The following FKTN variants were observed in gnomAD, a reference collection of about 807,000 sequenced individuals.
FKTN encodes ribitol-5-phosphate transferase FKTN.
A neutral mutation model predicts 58.6 loss-of-function variants in FKTN; 47 were observed. The observed-to-expected ratio is 0.80, with a 90% CI of 0.63 to 1.02. The LOEUF (loss-of-function observed/expected upper bound fraction) is 1.02. Among genes scored for constraint, FKTN ranks in the 50% least tolerant of loss-of-function variants. FKTN has a pLI of 0.00. For missense variants in FKTN, 516 were observed against 537.3 expected, an observed-to-expected ratio of 0.96 and a Z score of 0.39; for synonymous variants, 178 against 191.9, an observed-to-expected ratio of 0.93 and a Z score of 0.60.
At position 105,607,336 on chromosome 9, in the gene FKTN, A is replaced by G. The variant is rs530047003; in HGVS notation, c.648-483A>G. Among the ~76,000 whole-genome samples, 9 of 152,202 alleles carry G rather than the reference A, an allele frequency of 5.9e-5. No homozygotes were observed. The South Asian group carries it at 1.9e-3, about 31-fold the overall frequency. On this transcript the variant is annotated intron_variant, in intron 6 of 10. Coordinates refer to ENST00000357998, the MANE Select transcript of FKTN (RefSeq NM_001079802.2). Reference sequence around the variant, plus strand: ...TCTCTAAAAGTAAACTGATAATTAAAAATTATGTCACAAAATTTTTGTTTC... The same window carrying G: ...TCTCTAAAAGTAAACTGATAATTAAGAATTATGTCACAAAATTTTTGTTTC...
chr9:105,578,911 G>C (rs1842314682), intron 3 of FKTN, among the ~76,000 whole-genome samples: 2 of 152,076 alleles, frequency 1.3e-5, no homozygotes, highest in South Asian at 4.1e-4. Context: ...GAGTGTATGT[G>C]TCAAGGAATT....
chr9:105,612,790 C>A (rs1165343678), intron 7 of FKTN, among the ~76,000 whole-genome samples: 2 of 151,950 alleles, frequency 1.3e-5, no homozygotes, highest in Admixed American at 6.6e-5. Flanking sequence ...CATGGCGAAA[C>A]CCCGGCTCTA....
chr9:105,595,183 G>T (rs531491309), intron 3 of FKTN, among the ~76,000 whole-genome samples: 3 of 152,226 alleles, frequency 2.0e-5, no homozygotes, highest in East Asian at 3.9e-4. Flanking sequence ...AGGAGGAAAG[G>T]GGAGTGGCTG....
chr9:105,617,212 G>A (rs1455343349), intron 8 of FKTN, among the ~76,000 whole-genome samples: 2 of 152,198 alleles, frequency 1.3e-5, no homozygotes, highest in Admixed American at 1.3e-4. Flanking sequence ...TAATTGGAAT[G>A]AAATGATTAG....
chr9:105,592,730 T>G (rs1416070426), intron 3 of FKTN, among the ~76,000 whole-genome samples: 1 of 152,158 alleles, frequency 6.6e-6, no homozygotes, highest in Non-Finnish European at 1.5e-5. Context: ...CAGGGCACAA[T>G]GCAGCCAGGT....
intron 10 of FKTN, among the ~76,000 whole-genome samples, chr9:105,620,322 G>A (rs1831638431): frequency 6.6e-6 from 1 of 152,162 alleles, no homozygotes; most frequent in South Asian, 2.1e-4. Context: ...TTCTGAGAGA[G>A]AGAATGAGAA....
At chr9:105,610,425 T>C (rs1829703645) in intron 7 of FKTN, among the ~76,000 whole-genome samples, 1 of 152,068 alleles carries the variant, frequency 6.6e-6, no homozygotes, top group Admixed American at 6.5e-5. Flanking sequence ...ACAGAGTTCA[T>C]TTCCATATTT....
chr9:105,637,792 A>G lies in FKTN; in HGVS notation c.*2528A>G, dbSNP rs1364205651. The G allele has an allele frequency of 1.6e-5, 16 of 985,084 alleles. No homozygotes were observed. The highest frequency in any genetic ancestry group is 1.9e-5 in the Non-Finnish European group (16 of 829,754). The allele number at this position is 985,084 out of a possible 1,614,324, so 61.0% of individuals were successfully genotyped here. On this transcript the variant is annotated 3_prime_UTR_variant, in exon 11 of 11. Coordinates refer to ENST00000357998, the MANE Select transcript of FKTN (RefSeq NM_001079802.2). ...TAATTGATAACCAGGACAACCAGGTAGTCACCCAGTCCTCTCTAAGCAGGG... is the reference window on the plus strand; with the variant it reads ...TAATTGATAACCAGGACAACCAGGTGGTCACCCAGTCCTCTCTAAGCAGGG...
chr9:105,626,604 TA>T (rs1348121840), intron 10 of FKTN, among the ~76,000 whole-genome samples: 5 of 152,330 alleles, frequency 3.3e-5, no homozygotes, highest in Non-Finnish European at 5.9e-5. Context: ...GGTTTACACA[TA>T]AAGTTTGGGA....
In FKTN at chr9:105,637,162, A is replaced by G. The variant is rs370331325; in HGVS notation, c.*1898A>G. On this transcript the variant is annotated 3_prime_UTR_variant, in exon 11 of 11. Coordinates refer to ENST00000357998, the MANE Select transcript of FKTN (RefSeq NM_001079802.2). The stretch of plus-strand genomic sequence containing the variant: ...ACTATTTTTGGGCAAAATCCACCCT[A>G]CTTGATGAGGACCATTTGCTTGTGC... The G allele has an allele frequency of 1.2e-4, 117 of 985,148 alleles. No homozygotes were observed. The African/African-American group carries it at 2.0e-3, about 17-fold the overall frequency. The allele number at this position is 985,148 out of a possible 1,614,324, so 61.0% of individuals were successfully genotyped here. A position where few individuals can be genotyped will look rare whatever the true frequency, so the allele number is the denominator to read the frequency against.
intron 1 of FKTN, among the ~76,000 whole-genome samples, chr9:105,566,858 A>G (rs1478051194): frequency 6.6e-6 from 1 of 152,216 alleles, no homozygotes; most frequent in African/African-American, 2.4e-5. Flanking sequence ...AGAATTTTAG[A>G]TCAATATCCC....
intron 10 of FKTN, among the ~76,000 whole-genome samples, chr9:105,631,940 A>G (rs1275358713): frequency 6.7e-6 from 1 of 150,226 alleles, no homozygotes; most frequent in Admixed American, 6.6e-5. Flanking sequence ...AGGACTATAA[A>G]TCATGCTGCT....
At chr9:105,590,765 A>G (rs1352245344) in intron 3 of FKTN, among the ~76,000 whole-genome samples, 2 of 152,188 alleles carry the variant, frequency 1.3e-5, no homozygotes, top group African/African-American at 2.4e-5. Context: ...CTGTTCTTTC[A>G]TTGCTGTAAA....
At chr9:105,561,099 A>C (rs1838219637) in intron 1 of FKTN, among the ~76,000 whole-genome samples, 1 of 151,960 alleles carries the variant, frequency 6.6e-6, no homozygotes, top group Admixed American at 6.6e-5. Context: ...AACAAAAAAA[A>C]AAACAAAACA....
At chr9:105,620,987 A>G (rs1410793017) in intron 10 of FKTN, among the ~76,000 whole-genome samples, 1 of 152,080 alleles carries the variant, frequency 6.6e-6, no homozygotes, top group Non-Finnish European at 1.5e-5. Context: ...GAGTCCTGTT[A>G]TTCTTAAATT....
At chr9:105,600,968 T>C in intron 4 of FKTN, 177 bp from the exon 5 acceptor site, 1 of 555,404 alleles carries the variant, frequency 1.8e-6, no homozygotes, top group Non-Finnish European at 3.2e-6. Context: ...AGACTGCTTA[T>C]TGAGAGCAGA....
chr9:105,626,430 T>C (rs1832747798), intron 10 of FKTN, among the ~76,000 whole-genome samples: 1 of 152,174 alleles, frequency 6.6e-6, no homozygotes, highest in Admixed American at 6.5e-5. Flanking sequence ...CAAGCTCCCT[T>C]AGGCCTTTTT....
intron 1 of FKTN, among the ~76,000 whole-genome samples, chr9:105,565,453 G>A (rs1839372270): frequency 6.6e-6 from 1 of 152,058 alleles, no homozygotes; most frequent in Admixed American, 6.5e-5. Flanking sequence ...GATGGAGGAA[G>A]ATCTACCAAG....
chr9:105,597,743 C>A (rs1827067393), intron 4 of FKTN, among the ~76,000 whole-genome samples: 1 of 152,052 alleles, frequency 6.6e-6, no homozygotes, highest in Admixed American at 6.5e-5. Context: ...CAGCCAAAGG[C>A]AACAGGGGTG....
Sources: allele counts gnomAD v4.1 joint callset (sites outside exome capture counted in the v4.1 genomes callset), GRCh38; gene constraint gnomAD v4.1.1; transcripts MANE v1.5; gene names NCBI Gene and HGNC (gene_info 2026-07-23, HGNC 2026-07-21).